The following MEIS2 variants were observed in gnomAD, a reference collection of about 807,000 sequenced individuals.
MEIS2 encodes the protein homeobox protein Meis2.
Under a neutral mutation model 58.6 loss-of-function variants are expected in MEIS2, and 9 were observed. The ratio of observed to expected loss-of-function variants is 0.15; its 90% CI spans 0.09 to 0.27. MEIS2 has a LOEUF of 0.27. Among genes scored for constraint, MEIS2 ranks in the 10% least tolerant of loss-of-function variants. The pLI is 1.00. For synonymous variants in MEIS2, 221 were observed against 228.4 expected (o/e 0.97, Z 0.29); for missense variants, 427 against 635.0 (o/e 0.67, Z 3.52).
At chr15:37,061,916 G>A (rs1401001354) in intron 7 of MEIS2, among the ~76,000 whole-genome samples, 1 of 151,772 alleles carries the variant, frequency 6.6e-6, no homozygotes, top group Admixed American at 6.6e-5. Context: ...AAGCAAGCAG[G>A]ATATTTTAAA....
intron 7 of MEIS2, among the ~76,000 whole-genome samples, chr15:37,045,568 A>T (rs2062628237): frequency 6.6e-6 from 1 of 152,202 alleles, no homozygotes; most frequent in Non-Finnish European, 1.5e-5. Context: ...AACCATCAGC[A>T]AAGTAAATTT....
chr15:36,995,175 T>C (rs1426928523), intron 8 of MEIS2, among the ~76,000 whole-genome samples: 1 of 152,232 alleles, frequency 6.6e-6, no homozygotes, highest in Non-Finnish European at 1.5e-5. Flanking sequence ...CCCTGATATA[T>C]GGCTGAAGGG....
intron 8 of MEIS2, among the ~76,000 whole-genome samples, chr15:37,014,522 T>C (rs1278831373): frequency 1.3e-5 from 2 of 152,202 alleles, no homozygotes; most frequent in Non-Finnish European, 2.9e-5. Context: ...AATCTACATA[T>C]GTTGTTTTGG....
intron 7 of MEIS2, among the ~76,000 whole-genome samples, chr15:37,057,278 C>T (rs959556156): frequency 9.2e-5 from 14 of 152,214 alleles, no homozygotes; most frequent in Admixed American, 3.3e-4. Context: ...CTTAGTTGCT[C>T]GGGAGAGTCA....
At chr15:36,908,726 C>T (rs148320667) in intron 9 of MEIS2, among the ~76,000 whole-genome samples, 64 of 152,184 alleles carry the variant, frequency 4.2e-4, no homozygotes, top group African/African-American at 1.3e-3. Flanking sequence ...GAGACCGAGG[C>T]GGGCGGATCA....
intron 7 of MEIS2, among the ~76,000 whole-genome samples, chr15:37,048,930 A>G (rs1172812161): frequency 1.3e-5 from 2 of 152,180 alleles, no homozygotes; most frequent in East Asian, 3.8e-4. Context: ...AGAAAACTAT[A>G]TTTTGAACAT....
chr15:37,063,038 G>A (rs895630892), intron 7 of MEIS2, among the ~76,000 whole-genome samples: 1 of 152,152 alleles, frequency 6.6e-6, no homozygotes, highest in African/African-American at 2.4e-5. Context: ...TTTTAGAAAA[G>A]AGCTGATCTC....
rs747616721 is a variant in MEIS2, at chr15:36,891,770, A to G, written c.*403T>C. ...ACAGTCTCTCCTGGATGGTGAATTC[A>G]CTGATGAACCAAAACAGTCATTCTT... On this transcript the variant is annotated 3_prime_UTR_variant, in exon 12 of 12. Coordinates refer to ENST00000561208, the MANE Select transcript of MEIS2 (RefSeq NM_170675.5). 59 of 212,856 alleles carry G rather than the reference A, an allele frequency of 2.8e-4. No individual in the cohort carries two copies. Among genetic ancestry groups the G allele is most frequent in the Middle Eastern group, 1.7e-3 (1 of 574 alleles). 13.2% of individuals were successfully genotyped at this position (212,856 alleles called of 1,614,324 possible). A position where few individuals can be genotyped will look rare whatever the true frequency, so the allele number is the denominator to read the frequency against.
intron 7 of MEIS2, among the ~76,000 whole-genome samples, chr15:37,049,199 A>G (rs542142373): frequency 2.4e-4 from 36 of 152,198 alleles, no homozygotes; most frequent in Non-Finnish European, 4.3e-4. Context: ...GCTGCTTAAT[A>G]AGAATAATCT....
intron 8 of MEIS2, among the ~76,000 whole-genome samples, chr15:36,972,079 A>G (rs886944494): frequency 4.6e-5 from 7 of 152,234 alleles, no homozygotes; most frequent in Non-Finnish European, 8.8e-5. Context: ...TGTAAAACTA[A>G]CTTTATTGAA....
chr15:36,982,936 T>C (rs541931561), intron 8 of MEIS2, among the ~76,000 whole-genome samples: 2 of 152,242 alleles, frequency 1.3e-5, no homozygotes, highest in South Asian at 4.1e-4. Context: ...CAATTGGCCA[T>C]TTGTATGTCT....
At chr15:36,922,616 TTTC>T (rs2057561378) in intron 9 of MEIS2, among the ~76,000 whole-genome samples, 3 of 120,206 alleles carry the variant, frequency 2.5e-5, no homozygotes, top group South Asian at 2.7e-4. Flanking sequence ...ACTTTCTTTC[TTTC>T]TTTTTTTTTT....
At chr15:37,058,548 C>T (rs1250044124) in intron 7 of MEIS2, among the ~76,000 whole-genome samples, 3 of 152,196 alleles carry the variant, frequency 2.0e-5, no homozygotes, top group African/African-American at 7.2e-5. Flanking sequence ...CTCCGGCAGA[C>T]ACTCAGTTGT....
intron 9 of MEIS2, among the ~76,000 whole-genome samples, chr15:36,929,362 G>A (rs917628762): frequency 6.6e-6 from 1 of 152,092 alleles, no homozygotes; most frequent in Non-Finnish European, 1.5e-5. Flanking sequence ...CTGACCTGTG[G>A]GTATGGAGTA....
At chr15:37,030,015 T>C (rs969372676) in intron 8 of MEIS2, among the ~76,000 whole-genome samples, 3 of 152,140 alleles carry the variant, frequency 2.0e-5, no homozygotes, top group Non-Finnish European at 4.4e-5. Context: ...AATCAATCAA[T>C]AAAAAATAAT....
chr15:36,992,508 C>A (rs2060331676), intron 8 of MEIS2, among the ~76,000 whole-genome samples: 1 of 152,104 alleles, frequency 6.6e-6, no homozygotes, highest in Non-Finnish European at 1.5e-5. Flanking sequence ...TATTAGCATA[C>A]AGTGTTTTCT....
chr15:36,897,142 G>C (rs1030345306), intron 9 of MEIS2: 1 of 162,334 alleles, frequency 6.2e-6, no homozygotes, highest in African/African-American at 2.4e-5. Flanking sequence ...CATCAATTAG[G>C]CTGTCTGAAG....
intron 8 of MEIS2, among the ~76,000 whole-genome samples, chr15:37,008,899 C>T: frequency 6.6e-6 from 1 of 152,142 alleles, no homozygotes. Flanking sequence ...GAACCCTAAA[C>T]CAGTAAACAT....
intron 8 of MEIS2, among the ~76,000 whole-genome samples, chr15:37,009,363 C>T (rs2061048037): frequency 6.6e-6 from 1 of 152,174 alleles, no homozygotes; most frequent in Admixed American, 6.5e-5. Flanking sequence ...GTCTCATCTT[C>T]ACATTAATAC....
Sources: gnomAD v4.1 joint callset for allele counts (sites outside exome capture counted in the v4.1 genomes callset) on GRCh38, gnomAD v4.1.1 for gene constraint, MANE v1.5 for transcripts, NCBI Gene and HGNC (gene_info 2026-07-23, HGNC 2026-07-21) for gene names.